Variants in RAPSN observed in about 807,000 individuals in gnomAD.
RAPSN encodes receptor associated protein of the synapse, also known as 43 kDa receptor-associated protein of the synapse.
Under a neutral mutation model 45.7 loss-of-function variants are expected in RAPSN, and 33 were observed. The observed-to-expected ratio is 0.72, with a 90% CI of 0.55 to 0.97. RAPSN has a LOEUF of 0.97. Among genes scored for constraint, RAPSN ranks in the 50% least tolerant of loss-of-function variants. RAPSN has a pLI of 0.00. For missense variants in RAPSN, 519 were observed against 559.4 expected (o/e 0.93, Z 0.73); for synonymous variants, 244 against 233.6 (o/e 1.04, Z -0.40).
At chr11:47,448,631 G>C in intron 1 of RAPSN, 142 bp downstream of exon 1, 1 of 1,045,404 alleles carries the variant, frequency 9.6e-7, no homozygotes, top group Non-Finnish European at 1.4e-6. Context: ...CAGGGCCTTA[G>C]ATATAAATTC....
At chr11:47,448,699 G>A in intron 1 of RAPSN, 74 bp downstream of exon 1, 3 of 1,580,358 alleles carry the variant, frequency 1.9e-6, no homozygotes, top group Non-Finnish European at 2.6e-6. Flanking sequence ...AGGAGGCCGA[G>A]AGGGGACTGG....
Position 47,438,864 on chromosome 11 carries a change from AG to A in RAPSN, c.1033del (p.Leu345CysfsTer6). ...IYRSKGLQRE[L>X]RAHVVRFHEC... ...GTGGAACCTCACAACGTGCGCCCGC[AG>A]TTCCCGCTGCAGCCCTTTGCTGCGG... On this transcript the variant is annotated frameshift_variant, in exon 7 of 8. Coordinates refer to ENST00000298854, the MANE Select transcript of RAPSN (RefSeq NM_005055.5). LOFTEE classifies it high-confidence loss of function. The A allele has an allele frequency of 6.4e-7, 1 of 1,567,978 alleles. No individual in the cohort carries two copies.
In RAPSN at chr11:47,438,902, G is replaced by A. The variant is rs1013180221; in HGVS notation, c.996C>T (p.Ser332=). 5 of 1,562,444 alleles carry A rather than the reference G, an allele frequency of 3.2e-6. No individual in the cohort carries two copies. The highest frequency in any genetic ancestry group is 1.4e-5 in the African/African-American group (1 of 74,002). Residue 332 remains serine, a synonymous_variant, in exon 7 of 8, where the codon AGC becomes AGT. Transcript: ENST00000298854. The part of the protein sequence containing the change: ...KLSQLKLHCL[S]ESIYRSKGLQ... ...GCCCTTTGCTGCGGTAAATGCTCTC[G>A]CTCAGACAGTGCAGCTTGAGCTGGC...
intron 6 of RAPSN, among the ~76,000 whole-genome samples, chr11:47,440,534 G>A (rs1322252890): frequency 1.3e-5 from 2 of 152,158 alleles, no homozygotes; most frequent in African/African-American, 4.8e-5. Context: ...GATCACCTGA[G>A]GTCAGGAGTT....
At chr11:47,442,158 C>G (rs1298098499) in intron 3 of RAPSN, among the ~76,000 whole-genome samples, 3 of 152,198 alleles carry the variant, frequency 2.0e-5, no homozygotes, top group Non-Finnish European at 2.9e-5. Context: ...CAGTAAGTGA[C>G]AAAGCTGGGA....
At chr11:47,445,092 G>GT (rs1204673279) in intron 2 of RAPSN, among the ~76,000 whole-genome samples, 1 of 151,014 alleles carries the variant, frequency 6.6e-6, no homozygotes, top group Non-Finnish European at 1.5e-5. Context: ...TTAGCGGGGC[G>GT]TGGTGGCAGG....
rs559933584 is a variant in RAPSN at position 47,441,875 on chromosome 11, G to A, written c.737C>T (p.Ala246Val). 1.9e-5 allele frequency: 31 copies of A among 1,594,708 alleles called. No individual in the cohort carries two copies. Among genetic ancestry groups the A allele is most frequent in the Non-Finnish European group, 2.5e-5 (29 of 1,175,268 alleles). ...ALQHGDRPLQALCLLCFADIH... is the reference protein window; with the variant it reads ...ALQHGDRPLQVLCLLCFADIH... ...GTCAGCGAAGCAGAGCAGGCAGAGC[G>A]CCTGCAGTGGCCGGTCCCCGTGCTG... The change falls in exon 4 of 8, where the codon GCG (alanine) becomes GTG (valine). Residue 246 changes from alanine (A) to valine (V), a missense_variant. By Grantham distance (64) the Ala-to-Val change is moderately conservative (BLOSUM62 0). Transcript: ENST00000298854.
At chr11:47,441,072 G>T (rs2153308094) in intron 6 of RAPSN, 87 bp downstream of exon 6, 19 of 1,534,814 alleles carry the variant, frequency 1.2e-5, no homozygotes, top group Admixed American at 3.3e-5. Flanking sequence ...CTCATGACGT[G>T]AGTAGGCTCA....
intron 2 of RAPSN, among the ~76,000 whole-genome samples, chr11:47,444,412 G>A (rs1376713215): frequency 6.6e-6 from 1 of 151,934 alleles, no homozygotes; most frequent in African/African-American, 2.4e-5. Context: ...GGAAGAATGT[G>A]CCTGTAGTCC....
chr11:47,444,732 C>T (rs1013180927), intron 2 of RAPSN, among the ~76,000 whole-genome samples: 8 of 151,226 alleles, frequency 5.3e-5, no homozygotes, highest in African/African-American at 1.2e-4. Flanking sequence ...GTGACAAGTG[C>T]CTGTGGTCCC....
intron 2 of RAPSN, among the ~76,000 whole-genome samples, chr11:47,447,545 T>G (rs183188661): frequency 6.6e-6 from 1 of 152,204 alleles, no homozygotes; most frequent in Admixed American, 6.5e-5. Flanking sequence ...AACATGGCAG[T>G]GCAGGCCGCT....
At chr11:47,439,014 T>C (rs2076339821) in intron 6 of RAPSN, 83 bp from the exon 7 acceptor site, 3 of 1,436,462 alleles carry the variant, frequency 2.1e-6, no homozygotes, top group South Asian at 2.5e-5. Flanking sequence ...GCCACTTCCC[T>C]GTCTTGCTGA....
rs1011390932 is a variant in RAPSN at position 47,441,306 on chromosome 11, G to C, written c.913-94C>G. The C allele has an allele frequency of 9.3e-6, 14 of 1,507,854 alleles. No homozygotes were observed. In the African/African-American group the frequency reaches 1.8e-4, roughly 19 times the overall value. The allele number at this position is 1,507,854 out of a possible 1,614,324, so 93.4% of individuals were successfully genotyped here. A position where few individuals can be genotyped will look rare whatever the true frequency, so the allele number is the denominator to read the frequency against. On this transcript the variant is annotated intron_variant, in intron 5 of 7. Coordinates refer to ENST00000298854, the MANE Select transcript of RAPSN (RefSeq NM_005055.5). Reference sequence around the variant, plus strand: ...AGGGTAGGGGGGCAGGCCTAGGGAGGGTGACATGGCAGCTGCCTTGTGTGT... The same window carrying C: ...AGGGTAGGGGGGCAGGCCTAGGGAGCGTGACATGGCAGCTGCCTTGTGTGT...
At chr11:47,438,080 G>A in intron 7 of RAPSN, 33 bp from the exon 8 acceptor site, 1 of 1,549,044 alleles carries the variant, frequency 6.5e-7, no homozygotes, top group Non-Finnish European at 8.7e-7. Context: ...CCACTCCCCT[G>A]AGGCCTGTCC....
At chr11:47,439,777 A>G (rs962214289) in intron 6 of RAPSN, among the ~76,000 whole-genome samples, 2 of 147,160 alleles carry the variant, frequency 1.4e-5, no homozygotes, top group South Asian at 2.2e-4. Context: ...CAGTGGCACA[A>G]TCTTGGTTCA....
chr11:47,441,763 G>A (rs1394892665), intron 4 of RAPSN, 30 bp from the exon 5 acceptor site: 2 of 1,603,594 alleles, frequency 1.2e-6, no homozygotes, highest in East Asian at 2.2e-5. Context: ...ATGGAATCAG[G>A]CTGTATCAGG....
At chr11:47,446,932 C>T (rs913045696) in intron 2 of RAPSN, among the ~76,000 whole-genome samples, 19 of 152,114 alleles carry the variant, frequency 1.2e-4, no homozygotes, top group Non-Finnish European at 2.5e-4. Context: ...TACCCAGGAT[C>T]AGAACCTGCT....
At chr11:47,441,457 C>T in intron 5 of RAPSN, 154 bp downstream of exon 5, 1 of 1,424,840 alleles carries the variant, frequency 7.0e-7, no homozygotes, top group Non-Finnish European at 9.5e-7. Context: ...GATGGGCCTT[C>T]TCTGAGCCTG....
intron 2 of RAPSN, among the ~76,000 whole-genome samples, chr11:47,443,190 T>A (rs1462940960): frequency 6.6e-6 from 1 of 152,172 alleles, no homozygotes; most frequent in Non-Finnish European, 1.5e-5. Flanking sequence ...GGATGGGAGA[T>A]ACCAGATCCC....
Sources: gnomAD v4.1 joint callset for allele counts (sites outside exome capture counted in the v4.1 genomes callset) on GRCh38, gnomAD v4.1.1 for gene constraint, MANE v1.5 for transcripts, NCBI Gene and HGNC (gene_info 2026-07-23, HGNC 2026-07-21) for gene names.